PARD3B: variants seen among roughly 807,000 people sequenced by gnomAD.
PARD3B encodes par-3 family cell polarity regulator beta, also known as partitioning defective 3 homolog B.
A neutral mutation model predicts 130.2 loss-of-function variants in PARD3B; 103 were observed. The ratio of observed to expected loss-of-function variants is 0.79; its 90% CI spans 0.67 to 0.93. PARD3B has a LOEUF of 0.93. PARD3B is among the 40% of genes least tolerant of loss of function. PARD3B has a pLI of 0.00. For synonymous variants in PARD3B, 583 were observed against 553.2 expected (o/e 1.05, Z -0.76); for missense variants, 1,609 against 1,499.2 (o/e 1.07, Z -1.21).
intron 21 of PARD3B, among the ~76,000 whole-genome samples, chr2:205,526,942 C>T (rs1431482688): frequency 2.6e-5 from 4 of 151,952 alleles, no homozygotes; most frequent in Non-Finnish European, 5.9e-5. Flanking sequence ...ATGTTCAAAC[C>T]CCCTTTCCAG....
chr2:204,599,392 T>C (rs1276092207), intron 1 of PARD3B, among the ~76,000 whole-genome samples: 3 of 151,930 alleles, frequency 2.0e-5, no homozygotes, highest in Non-Finnish European at 4.4e-5. Flanking sequence ...TTTACTTCTA[T>C]GAGATCACCA....
At chr2:204,794,254 C>T (rs1438595165) in intron 2 of PARD3B, among the ~76,000 whole-genome samples, 2 of 152,094 alleles carry the variant, frequency 1.3e-5, no homozygotes, top group Non-Finnish European at 2.9e-5. Flanking sequence ...CTATAAATTT[C>T]ATGTAATGAA....
At chr2:205,501,935 G>A (rs370629190) in intron 21 of PARD3B, among the ~76,000 whole-genome samples, 8 of 151,992 alleles carry the variant, frequency 5.3e-5, no homozygotes, top group Non-Finnish European at 7.4e-5. Flanking sequence ...CCCATGCTCC[G>A]GTGTGTTGAG....
intron 2 of PARD3B, among the ~76,000 whole-genome samples, chr2:204,786,564 A>G (rs1410463290): frequency 6.6e-6 from 1 of 151,742 alleles, no homozygotes; most frequent in Admixed American, 6.6e-5. Flanking sequence ...AAATTCCTGC[A>G]CTGCAGGATT....
intron 2 of PARD3B, among the ~76,000 whole-genome samples, chr2:204,866,071 G>T (rs1001634656): frequency 1.3e-5 from 2 of 152,136 alleles, no homozygotes; most frequent in Middle Eastern, 3.2e-3. Flanking sequence ...CCAGAGCATT[G>T]TCATGTCCTG....
At chr2:204,616,983 A>G (rs2034135636) in intron 1 of PARD3B, among the ~76,000 whole-genome samples, 1 of 152,056 alleles carries the variant, frequency 6.6e-6, no homozygotes, top group African/African-American at 2.4e-5. Context: ...TTTTATTTGG[A>G]CTTTATATAC....
chr2:204,962,658 G>T (rs1690849880), intron 2 of PARD3B, among the ~76,000 whole-genome samples: 3 of 152,148 alleles, frequency 2.0e-5, no homozygotes, highest in Admixed American at 1.3e-4. Flanking sequence ...AAGTAATTTA[G>T]TTAACAAGGA....
intron 9 of PARD3B, among the ~76,000 whole-genome samples, chr2:205,124,814 T>G (rs35185167): frequency 0.26 from 39,153 of 152,084 alleles, 5,459 homozygotes; most frequent in Middle Eastern, 0.33. Context: ...AAAAAGTCTT[T>G]GTAATAGTCT....
intron 11 of PARD3B, among the ~76,000 whole-genome samples, chr2:205,161,226 TGTAA>T (rs1164881651): frequency 6.6e-6 from 1 of 152,224 alleles, no homozygotes; most frequent in Non-Finnish European, 1.5e-5. Context: ...TCCATGTTTG[TGTAA>T]GTGAGCATCT....
At chr2:205,248,753 G>C (rs1218883645) in intron 16 of PARD3B, among the ~76,000 whole-genome samples, 1 of 149,734 alleles carries the variant, frequency 6.7e-6, no homozygotes, top group Non-Finnish European at 1.5e-5. Flanking sequence ...GACCACAGGC[G>C]CCCACTACCG....
At chr2:204,782,497 T>C (rs1215626883) in intron 2 of PARD3B, among the ~76,000 whole-genome samples, 1 of 150,380 alleles carries the variant, frequency 6.6e-6, no homozygotes, top group Non-Finnish European at 1.5e-5. Context: ...ATATATAGTA[T>C]ATTCATGTTA....
chr2:204,770,474 A>G (rs2041317608), intron 2 of PARD3B, among the ~76,000 whole-genome samples: 1 of 151,134 alleles, frequency 6.6e-6, no homozygotes, highest in African/African-American at 2.4e-5. Flanking sequence ...AAAAATGTAT[A>G]TTCTGTTGAT....
At chr2:205,500,573 C>T (rs2050121861) in intron 21 of PARD3B, among the ~76,000 whole-genome samples, 1 of 152,182 alleles carries the variant, frequency 6.6e-6, no homozygotes, top group Non-Finnish European at 1.5e-5. Flanking sequence ...GAAAAGAATA[C>T]AGTGACCACT....
In PARD3B at chr2:204,673,796, CT is replaced by C. The variant is rs2036414071; in HGVS notation, c.121-12383del. Among the ~76,000 whole-genome samples, 1 of 152,124 alleles carries C rather than the reference CT, an allele frequency of 6.6e-6. No individual in the cohort carries two copies. Among genetic ancestry groups the C allele is most frequent in the Admixed American group, 6.6e-5 (1 of 15,264 alleles). On this transcript the variant is annotated intron_variant, in intron 1 of 22. Coordinates refer to ENST00000406610, the MANE Select transcript of PARD3B (RefSeq NM_001302769.2). The surrounding 1 kb of genome is among the most constrained non-coding windows in gnomAD (Gnocchi z 4.7). ...TTGTTTGTTAATTATTGTCTTCTCC[CT>C]TCACTAAAATTTAAGCTTTATTCCT...
chr2:205,481,278 G>A (rs6760289), intron 20 of PARD3B, among the ~76,000 whole-genome samples: 12,464 of 152,238 alleles, frequency 0.082, 550 homozygotes, highest in African/African-American at 0.12. Flanking sequence ...CTGAGGATAA[G>A]TTTAGGGAAC....
chr2:205,219,299 A>G (rs2038113393), intron 15 of PARD3B, among the ~76,000 whole-genome samples: 1 of 152,250 alleles, frequency 6.6e-6, no homozygotes, highest in Non-Finnish European at 1.5e-5. Context: ...AGATCAGTAT[A>G]AAATACCAGA....
At chr2:205,228,219 C>G (rs1252361510) in intron 15 of PARD3B, among the ~76,000 whole-genome samples, 1 of 152,132 alleles carries the variant, frequency 6.6e-6, no homozygotes, top group Non-Finnish European at 1.5e-5. Context: ...CAAATAATAT[C>G]TCATTGTTCA....
chr2:204,986,252 G>A (rs964220144), intron 3 of PARD3B, among the ~76,000 whole-genome samples: 1 of 152,052 alleles, frequency 6.6e-6, no homozygotes, highest in African/African-American at 2.4e-5. Flanking sequence ...GGAAAGCTCA[G>A]GGCCTGCCAG....
At chr2:205,012,582 G>A (rs958105226) in intron 3 of PARD3B, among the ~76,000 whole-genome samples, 3 of 152,228 alleles carry the variant, frequency 2.0e-5, no homozygotes, top group Non-Finnish European at 2.9e-5. Context: ...TCTAGGGAAT[G>A]AGCTTAGAAT....
Sources: gnomAD v4.1 joint callset for allele counts (sites outside exome capture counted in the v4.1 genomes callset) on GRCh38, gnomAD v4.1.1 for gene constraint, Gnocchi (gnomAD v3.1) non-coding constraint, MANE v1.5 for transcripts, NCBI Gene and HGNC (gene_info 2026-07-23, HGNC 2026-07-21) for gene names.